Variants in CCSER1 observed in about 807,000 individuals in gnomAD.
CCSER1 encodes coiled-coil serine rich protein 1, also known as serine-rich coiled-coil domain-containing protein 1.
In CCSER1, 41 loss-of-function variants were observed where a neutral mutation model predicts 82.0. The observed-to-expected ratio is 0.50, with a 90% CI of 0.39 to 0.65. The LOEUF (loss-of-function observed/expected upper bound fraction) is 0.65, where lower values mean the gene tolerates loss of function less well. Ranked by LOEUF, CCSER1 falls within the 30% of genes least tolerant of loss-of-function variation. The pLI is 0.00. For missense variants in CCSER1, 1,119 were observed against 1,064.2 expected (o/e 1.05, Z -0.72); for synonymous variants, 414 against 383.9 (o/e 1.08, Z -0.92).
chr4:90,964,543 G>A (rs548545838), intron 9 of CCSER1, among the ~76,000 whole-genome samples: 4 of 151,642 alleles, frequency 2.6e-5, no homozygotes, highest in Non-Finnish European at 5.9e-5. Context: ...GACTAACATG[G>A]TGGAACCCGT....
chr4:90,199,084 A>T (rs1279992783), intron 1 of CCSER1, among the ~76,000 whole-genome samples: 1 of 152,184 alleles, frequency 6.6e-6, no homozygotes, highest in East Asian at 1.9e-4. Context: ...AATCTTTTGT[A>T]ACAAGAAACC....
intron 9 of CCSER1, among the ~76,000 whole-genome samples, chr4:91,038,632 T>C (rs1470902050): frequency 1.3e-5 from 2 of 152,188 alleles, no homozygotes; most frequent in African/African-American, 4.8e-5. Context: ...ATCTAAGTAT[T>C]TCTTTTAATC....
At chr4:91,132,154 T>C (rs1192604864) in intron 10 of CCSER1, among the ~76,000 whole-genome samples, 1 of 152,084 alleles carries the variant, frequency 6.6e-6, no homozygotes, top group African/African-American at 2.4e-5. Flanking sequence ...TTCATCATTT[T>C]TGAAAATGAC....
At chr4:90,694,797 G>GGTGTGT (rs112192037) in intron 6 of CCSER1, among the ~76,000 whole-genome samples, 8,578 of 145,394 alleles carry the variant, frequency 0.059, 663 homozygotes, top group African/African-American at 0.18. Context: ...GTGTGTGTGG[G>GGTGTGT]GTGTGTGTGT....
chr4:91,210,730 A>G (rs1016529441), intron 10 of CCSER1, among the ~76,000 whole-genome samples: 1 of 151,960 alleles, frequency 6.6e-6, no homozygotes, highest in Non-Finnish European at 1.5e-5. Flanking sequence ...TGACAATTAT[A>G]TGCACTACAA....
At chr4:91,524,534 C>T (rs1422039421) in intron 10 of CCSER1, among the ~76,000 whole-genome samples, 2 of 152,032 alleles carry the variant, frequency 1.3e-5, no homozygotes, top group African/African-American at 4.8e-5. Context: ...TGAGTAAAAA[C>T]CTGGTGGTTA....
chr4:90,798,723 G>A (rs145499796), intron 7 of CCSER1, among the ~76,000 whole-genome samples: 77 of 152,240 alleles, frequency 5.1e-4, no homozygotes, highest in East Asian at 9.7e-4. Context: ...CAACTGACTG[G>A]CTTTGTTTCT....
At chr4:91,526,636 C>T (rs1760777642) in intron 10 of CCSER1, among the ~76,000 whole-genome samples, 2 of 152,130 alleles carry the variant, frequency 1.3e-5, no homozygotes, top group Admixed American at 1.3e-4. Flanking sequence ...ATGGAGTTTG[C>T]TCCTATTGCC....
intron 5 of CCSER1, among the ~76,000 whole-genome samples, chr4:90,610,499 A>G (rs183251830): frequency 2.4e-4 from 36 of 152,242 alleles, no homozygotes; most frequent in Admixed American, 1.8e-3. Context: ...ATAGATACAT[A>G]TGATATAAAT....
At chr4:90,601,920 T>C (rs959827325) in intron 5 of CCSER1, among the ~76,000 whole-genome samples, 11 of 152,276 alleles carry the variant, frequency 7.2e-5, no homozygotes, top group Admixed American at 2.0e-4. Context: ...ACCTACTTTG[T>C]ATGACTTGAA....
chr4:90,748,883 T>C (rs984347439), intron 7 of CCSER1, among the ~76,000 whole-genome samples: 46 of 150,536 alleles, frequency 3.1e-4, no homozygotes, highest in Non-Finnish European at 5.3e-4. Context: ...TTTATGGGGT[T>C]GTTTGTTTTT....
intron 3 of CCSER1, among the ~76,000 whole-genome samples, chr4:90,343,651 A>T (rs1018214030): frequency 6.6e-6 from 1 of 152,030 alleles, no homozygotes; most frequent in Non-Finnish European, 1.5e-5. Context: ...ACTAGACTAT[A>T]TTTTTTAGAC....
At chr4:90,417,540 A>T (rs2153559056) in intron 4 of CCSER1, among the ~76,000 whole-genome samples, 1 of 152,206 alleles carries the variant, frequency 6.6e-6, no homozygotes, top group East Asian at 1.9e-4. Flanking sequence ...TTTGGATGAT[A>T]GAATGAAGAT....
intron 10 of CCSER1, among the ~76,000 whole-genome samples, chr4:91,573,818 T>C (rs1961569): frequency 0.097 from 14,714 of 152,160 alleles, 904 homozygotes; most frequent in East Asian, 0.15. Context: ...CTGCTTCTAG[T>C]TGGCCATCTT....
chr4:91,491,588 TATACCAAAACC>T (rs1758545213), intron 10 of CCSER1, among the ~76,000 whole-genome samples: 1 of 152,118 alleles, frequency 6.6e-6, no homozygotes, highest in South Asian at 2.1e-4. Context: ...ATATTATCAA[TATACCAAAACC>T]ATATGTGAGC....
chr4:91,282,186 C>T lies in CCSER1; in HGVS notation c.2217+196192C>T, dbSNP rs190861815. ...TGTGCATATCCCAGTTTAGAATCTT[C>T]CAGATTTAGGCAGATCTCCTTTCTG... is the stretch of plus-strand genomic sequence containing the variant. On this transcript the variant is annotated intron_variant, in intron 10 of 10. Coordinates refer to ENST00000509176, the MANE Select transcript of CCSER1 (RefSeq NM_001145065.2). Among the ~76,000 whole-genome samples the T allele has an allele frequency of 1.2e-3, 186 of 152,196 alleles. 5 individuals are homozygous for T. Among genetic ancestry groups the T allele is most frequent in the Admixed American group, 0.012 (177 of 15,268 alleles).
chr4:90,624,495 A>G (rs1177686550), intron 5 of CCSER1, among the ~76,000 whole-genome samples: 1 of 152,182 alleles, frequency 6.6e-6, no homozygotes, highest in African/African-American at 2.4e-5. Context: ...ATGTTTTCCC[A>G]TTAAACTTGT....
intron 10 of CCSER1, among the ~76,000 whole-genome samples, chr4:91,089,882 A>T (rs1723772780): frequency 6.6e-6 from 1 of 152,204 alleles, no homozygotes; most frequent in African/African-American, 2.4e-5. Flanking sequence ...GAAATTAGTA[A>T]GGTTAAATTT....
At position 90,627,913 on chromosome 4, in the gene CCSER1, G is replaced by T. The variant is rs1035484515; in HGVS notation, c.1725-112G>T. On this transcript the variant is annotated intron_variant, in intron 5 of 10. Coordinates refer to ENST00000509176, the MANE Select transcript of CCSER1 (RefSeq NM_001145065.2). ...AATAAATAAACTAATATCATGAAAT[G>T]AGGACACAAGAAATACTTTCTAGGA... 2.9e-5 allele frequency: 22 copies of T among 760,384 alleles called. 1 individual carries two copies. Among genetic ancestry groups the T allele is most frequent in the Admixed American group, 5.0e-5 (2 of 40,094 alleles). The allele number at this position is 760,384 out of a possible 1,614,324, so 47.1% of individuals were successfully genotyped here. A position where few individuals can be genotyped will look rare whatever the true frequency, so the allele number is the denominator to read the frequency against.
Sources: allele counts gnomAD v4.1 joint callset (sites outside exome capture counted in the v4.1 genomes callset), GRCh38; gene constraint gnomAD v4.1.1; transcripts MANE v1.5; gene names NCBI Gene and HGNC (gene_info 2026-07-23, HGNC 2026-07-21).